DDX10: variants seen among roughly 807,000 people sequenced by gnomAD.
The protein encoded by DDX10 is DEAD-box helicase 10, also known as probable ATP-dependent RNA helicase DDX10.
DDX10 carries 74 observed loss-of-function variants against 104.3 expected under a neutral mutation model. That is an observed-to-expected ratio of 0.71 (90% CI 0.59 to 0.86). The LOEUF is 0.86. Ranked by LOEUF, DDX10 falls within the 40% of genes least tolerant of loss-of-function variation. The probability of loss-of-function intolerance (pLI) is 0.00; values close to 1 mark genes in which losing one functional copy is unlikely to be tolerated. For missense variants in DDX10, 952 were observed against 1,040.0 expected, an observed-to-expected ratio of 0.92 and a Z score of 1.16; for synonymous variants, 351 against 353.4, an observed-to-expected ratio of 0.99 and a Z score of 0.08.
intron 16 of DDX10, among the ~76,000 whole-genome samples, chr11:108,903,034 G>A (rs1863538964): frequency 6.6e-6 from 1 of 152,060 alleles, no homozygotes; most frequent in Non-Finnish European, 1.5e-5. Context: ...TACAATCCCA[G>A]CTGTATACCA....
chr11:108,933,909 A>G (rs1369892186), intron 17 of DDX10, among the ~76,000 whole-genome samples: 5 of 152,190 alleles, frequency 3.3e-5, no homozygotes, highest in African/African-American at 9.7e-5. Flanking sequence ...TGTCTTCAAG[A>G]AACATGTATT....
chr11:108,840,421 A>T (rs1009828724), intron 14 of DDX10, among the ~76,000 whole-genome samples: 40 of 151,362 alleles, frequency 2.6e-4, no homozygotes, highest in Non-Finnish European at 5.5e-4. Flanking sequence ...AGATAAAACA[A>T]GAGTTATTGT....
intron 13 of DDX10, chr11:108,767,256 G>A (rs1422579046): frequency 6.6e-6 from 1 of 152,222 alleles, no homozygotes; most frequent in South Asian, 2.1e-4. Flanking sequence ...AGAAAAGGCA[G>A]TATAAAAGTG....
rs532421250 is a variant in DDX10, at chr11:108,705,715, A to AT, written c.1224-1018dup. Among the ~76,000 whole-genome samples the AT allele has an allele frequency of 7.9e-5, 12 of 151,862 alleles. No homozygotes were observed. The South Asian group carries it at 2.3e-3, about 29-fold the overall frequency. ...TGAATCCTGGTGAGAGTGCTTTGAG[A>AT]TTTTTTCTTCTTTTTATTTAAAAAA... On this transcript the variant is annotated intron_variant, in intron 9 of 17. Transcript: ENST00000322536.
At chr11:108,881,450 G>A (rs996217305) in intron 16 of DDX10, among the ~76,000 whole-genome samples, 9 of 152,288 alleles carry the variant, frequency 5.9e-5, no homozygotes, top group African/African-American at 2.2e-4. Context: ...AGTTTGGAGA[G>A]TGTTAATCCT....
chr11:108,918,144 A>G (rs1863777275), intron 17 of DDX10, 126 bp downstream of exon 17: 1 of 928,498 alleles, frequency 1.1e-6, no homozygotes, highest in African/African-American at 1.7e-5. Flanking sequence ...TGATACCTTT[A>G]CTTAGATTCC....
At chr11:108,745,352 C>T (rs1219756895) in intron 13 of DDX10, among the ~76,000 whole-genome samples, 3 of 151,212 alleles carry the variant, frequency 2.0e-5, no homozygotes, top group African/African-American at 7.3e-5. Context: ...TCCTCAGTCT[C>T]AGGTGATCCT....
intron 16 of DDX10, among the ~76,000 whole-genome samples, chr11:108,875,540 CT>C (rs963702497): frequency 6.6e-6 from 1 of 152,130 alleles, no homozygotes; most frequent in African/African-American, 2.4e-5. Flanking sequence ...ATCAGAATGC[CT>C]TTTGTGGCTG....
intron 16 of DDX10, among the ~76,000 whole-genome samples, chr11:108,857,831 A>G (rs1862891444): frequency 6.6e-6 from 1 of 152,228 alleles, no homozygotes; most frequent in Admixed American, 6.5e-5. Context: ...ATTCAATTTG[A>G]GAGTCTTAAA....
chr11:108,673,577 TG>T, intron 2 of DDX10, 50 bp downstream of exon 2: 1 of 1,351,692 alleles, frequency 7.4e-7, no homozygotes. Context: ...TTGGCATTTT[TG>T]ATAAATGGGA....
intron 13 of DDX10, among the ~76,000 whole-genome samples, chr11:108,831,025 A>G (rs922459101): frequency 4.6e-5 from 7 of 152,112 alleles, no homozygotes; most frequent in East Asian, 1.9e-4. Context: ...AACAAGTTCT[A>G]TTAGAGTTTG....
chr11:108,733,770 T>C (rs932174898), intron 13 of DDX10, among the ~76,000 whole-genome samples: 3 of 152,142 alleles, frequency 2.0e-5, no homozygotes, highest in Non-Finnish European at 2.9e-5. Flanking sequence ...GGGGATAAGC[T>C]TCATAATTGG....
At chr11:108,918,961 G>A (rs1214644057) in intron 17 of DDX10, 1 of 152,214 alleles carries the variant, frequency 6.6e-6, no homozygotes, top group Non-Finnish European at 1.5e-5. Context: ...AACCCTTGAA[G>A]TGCTAGCACA....
chr11:108,784,995 G>A (rs1424005281), intron 13 of DDX10, among the ~76,000 whole-genome samples: 1 of 152,222 alleles, frequency 6.6e-6, no homozygotes, highest in East Asian at 1.9e-4. Flanking sequence ...AAAATCTGAT[G>A]GTTGTAGGTG....
At chr11:108,919,910 C>G (rs1447762259) in intron 17 of DDX10, 1 of 151,830 alleles carries the variant, frequency 6.6e-6, no homozygotes, top group African/African-American at 2.4e-5. Flanking sequence ...GTGTTTCATC[C>G]TGTTAATTGG....
In DDX10 at chr11:108,775,099, AT is replaced by A. The variant is rs1423602141; in HGVS notation, c.1965+51640del. 2.0e-5 allele frequency among the ~76,000 whole-genome samples: 3 copies of A among 152,356 alleles called. No individual in the cohort carries two copies. The East Asian group carries it at 5.8e-4, about 29-fold the overall frequency. ...CCTATTCAGAATTATACATTTGCTT[AT>A]TTAAATGGTTGGTATTGCCAAATGC... is the stretch of plus-strand genomic sequence containing the variant. On this transcript the variant is annotated intron_variant, in intron 13 of 17. Coordinates refer to ENST00000322536, the MANE Select transcript of DDX10 (RefSeq NM_004398.4).
At chr11:108,686,528 C>T (rs551792007) in intron 6 of DDX10, among the ~76,000 whole-genome samples, 53 of 152,212 alleles carry the variant, frequency 3.5e-4, no homozygotes, top group African/African-American at 1.3e-3. Context: ...CTTAATATTA[C>T]GCATTTAAGA....
At chr11:108,915,927 A>G (rs1031803323) in intron 16 of DDX10, among the ~76,000 whole-genome samples, 3 of 145,630 alleles carry the variant, frequency 2.1e-5, no homozygotes, top group African/African-American at 7.6e-5. Flanking sequence ...TAACCCAGAC[A>G]TTAAAGAGAC....
intron 13 of DDX10, among the ~76,000 whole-genome samples, chr11:108,820,027 C>T (rs1374697709): frequency 6.6e-6 from 1 of 152,198 alleles, no homozygotes; most frequent in Non-Finnish European, 1.5e-5. Flanking sequence ...AAGAGTACAG[C>T]TTCAAAGCTC....
Sources: allele counts gnomAD v4.1 joint callset (sites outside exome capture counted in the v4.1 genomes callset), GRCh38; gene constraint gnomAD v4.1.1; transcripts MANE v1.5; gene names NCBI Gene and HGNC (gene_info 2026-07-23, HGNC 2026-07-21).